The following SUGCT variants were observed in gnomAD, a reference collection of about 807,000 sequenced individuals.
SUGCT encodes the protein succinyl-CoA:glutarate CoA-transferase.
A neutral mutation model predicts 55.0 loss-of-function variants in SUGCT; 41 were observed. The ratio of observed to expected loss-of-function variants is 0.74; its 90% CI spans 0.58 to 0.97. The LOEUF (loss-of-function observed/expected upper bound fraction) is 0.97, where lower values mean the gene tolerates loss of function less well. Ranked by LOEUF, SUGCT falls within the 50% of genes least tolerant of loss-of-function variation. The pLI is 0.00. For missense variants in SUGCT, 568 were observed against 547.8 expected, an observed-to-expected ratio of 1.04 and a Z score of -0.37; for synonymous variants, 187 against 200.4, an observed-to-expected ratio of 0.93 and a Z score of 0.56.
At chr7:40,959,552 C>T in the SUGCT span, among the ~76,000 whole-genome samples, 7,713 of 152,244 alleles carry the variant, frequency 0.051, 292 homozygotes, top group South Asian at 0.16. Flanking sequence ...CGACTTCAGA[C>T]TGCTGTGCTG....
At chr7:40,866,988 A>G in the SUGCT span, among the ~76,000 whole-genome samples, 3 of 151,956 alleles carry the variant, frequency 2.0e-5, no homozygotes, top group South Asian at 6.3e-4. Flanking sequence ...TCGGCAAAAA[A>G]AGCTCTCAGA....
chr7:40,426,015 A>G (rs1039627340), intron 9 of SUGCT, among the ~76,000 whole-genome samples: 1 of 152,198 alleles, frequency 6.6e-6, no homozygotes, highest in African/African-American at 2.4e-5. Context: ...AATTTATTAT[A>G]ATGTCTGGCA....
intron 7 of SUGCT, among the ~76,000 whole-genome samples, chr7:40,249,341 A>ATATATATG (rs1192387768): frequency 7.6e-6 from 1 of 131,620 alleles, no homozygotes; most frequent in Non-Finnish European, 1.6e-5. Context: ...ATATATATAT[A>ATATATATG]TATATAATTA....
At chr7:40,321,111 C>CT (rs1795711226) in intron 9 of SUGCT, among the ~76,000 whole-genome samples, 1 of 97,004 alleles carries the variant, frequency 1.0e-5, no homozygotes, top group Admixed American at 1.3e-4. Context: ...GAGTCTCACT[C>CT]TGTCACCCAG....
the SUGCT span, among the ~76,000 whole-genome samples, chr7:40,951,962 T>A: frequency 2.0e-5 from 3 of 152,136 alleles, no homozygotes; most frequent in South Asian, 6.2e-4. Context: ...GTAGATTTCT[T>A]TTAGGTCCGC....
chr7:40,235,334 T>A (rs1431703639), intron 6 of SUGCT, among the ~76,000 whole-genome samples: 2 of 152,172 alleles, frequency 1.3e-5, no homozygotes, highest in African/African-American at 2.4e-5. Flanking sequence ...ATTTTTGTTA[T>A]TTTTATTTTT....
chr7:40,190,350 A>G (rs1785812589), intron 5 of SUGCT, among the ~76,000 whole-genome samples: 1 of 152,136 alleles, frequency 6.6e-6, no homozygotes, highest in Admixed American at 6.5e-5. Flanking sequence ...CCTGGGTTCA[A>G]GCAATTCTCT....
At chr7:40,172,984 C>T (rs1784747825) in intron 1 of SUGCT, among the ~76,000 whole-genome samples, 1 of 152,168 alleles carries the variant, frequency 6.6e-6, no homozygotes, top group East Asian at 1.9e-4. Context: ...TTGGAGAATC[C>T]CCAGACGAGG....
At chr7:40,813,822 A>G (rs1791539739) in intron 13 of SUGCT, among the ~76,000 whole-genome samples, 1 of 152,146 alleles carries the variant, frequency 6.6e-6, no homozygotes, top group African/African-American at 2.4e-5. Context: ...TCTGTGGGCT[A>G]TGTCCTTAAG....
chr7:40,836,797 C>T (rs1314350672), intron 13 of SUGCT, among the ~76,000 whole-genome samples: 1 of 152,204 alleles, frequency 6.6e-6, no homozygotes, highest in Non-Finnish European at 1.5e-5. Flanking sequence ...TCATTCCTTT[C>T]ATTGCTGGAT....
chr7:40,820,687 A>G (rs1391007410), intron 13 of SUGCT, among the ~76,000 whole-genome samples: 1 of 151,370 alleles, frequency 6.6e-6, no homozygotes, highest in East Asian at 1.9e-4. Flanking sequence ...GGGTTTTCTA[A>G]ATATACAATC....
the SUGCT span, among the ~76,000 whole-genome samples, chr7:41,015,634 A>ATTTG: frequency 1.3e-5 from 2 of 152,210 alleles, no homozygotes; most frequent in African/African-American, 4.8e-5. Context: ...TTCAAATGGT[A>ATTTG]ACGGGCATCA....
chr7:40,643,274 C>A (rs891055723), intron 12 of SUGCT, among the ~76,000 whole-genome samples: 2 of 152,144 alleles, frequency 1.3e-5, no homozygotes, highest in African/African-American at 4.8e-5. Context: ...GATTTTAGGA[C>A]CTTGTCAAGA....
the SUGCT span, chr7:40,965,480 A>G: frequency 6.6e-6 from 1 of 152,198 alleles, no homozygotes; most frequent in African/African-American, 2.4e-5. Flanking sequence ...TATATTAATA[A>G]TAACTTAAAA....
intron 13 of SUGCT, among the ~76,000 whole-genome samples, chr7:40,854,997 G>A (rs938871073): frequency 6.6e-6 from 1 of 150,548 alleles, no homozygotes; most frequent in African/African-American, 2.5e-5. Context: ...CACTAGTGAG[G>A]AGTTTGGTGC....
chr7:40,890,718 A>G, the SUGCT span, among the ~76,000 whole-genome samples: 1 of 152,218 alleles, frequency 6.6e-6, no homozygotes, highest in Admixed American at 6.5e-5. Flanking sequence ...TAAAGACTGG[A>G]GGAGGCACTT....
intron 12 of SUGCT, among the ~76,000 whole-genome samples, chr7:40,672,734 T>G (rs894729736): frequency 2.6e-5 from 4 of 152,198 alleles, no homozygotes; most frequent in African/African-American, 9.7e-5. Context: ...TGCATAATGG[T>G]TATGTCGGAG....
At chr7:40,539,983 G>A (rs1794587699) in intron 12 of SUGCT, among the ~76,000 whole-genome samples, 1 of 152,046 alleles carries the variant, frequency 6.6e-6, no homozygotes, top group Non-Finnish European at 1.5e-5. Flanking sequence ...CTATATACTG[G>A]TTTTCCTACT....
At chr7:40,303,283 C>T (rs562506209) in intron 8 of SUGCT, among the ~76,000 whole-genome samples, 6 of 152,276 alleles carry the variant, frequency 3.9e-5, no homozygotes, top group Admixed American at 1.3e-4. Flanking sequence ...ATCCGCCTGC[C>T]TCGGCCTCCC....
Sources: allele counts gnomAD v4.1 joint callset (sites outside exome capture counted in the v4.1 genomes callset), GRCh38; gene constraint gnomAD v4.1.1; transcripts MANE v1.5; gene names NCBI Gene and HGNC (gene_info 2026-07-23, HGNC 2026-07-21).